Variants in TMEM132C observed in about 807,000 individuals in gnomAD.
The protein encoded by TMEM132C is protein phosphatase 1, regulatory subunit 152.
Under a neutral mutation model 61.4 loss-of-function variants are expected in TMEM132C, and 29 were observed. The observed-to-expected ratio is 0.47, with a 90% CI of 0.35 to 0.64. The LOEUF is 0.64. TMEM132C is among the 30% of genes least tolerant of loss of function. The probability of loss-of-function intolerance (pLI) is 0.00; values close to 1 mark genes in which losing one functional copy is unlikely to be tolerated. For synonymous variants in TMEM132C, 656 were observed against 633.1 expected (o/e 1.04, Z -0.54); for missense variants, 1,408 against 1,476.9 (o/e 0.95, Z 0.76).
chr12:128,423,183 G>T (rs1364594757), intron 2 of TMEM132C, among the ~76,000 whole-genome samples: 1 of 152,194 alleles, frequency 6.6e-6, no homozygotes, highest in African/African-American at 2.4e-5. Flanking sequence ...GTCTTTAATA[G>T]CCCTTGCTTT....
At chr12:128,531,239 A>G (rs10161216) in intron 2 of TMEM132C, among the ~76,000 whole-genome samples, 38,935 of 152,090 alleles carry the variant, frequency 0.26, 5,974 homozygotes, top group East Asian at 0.41. Context: ...TCTGAGATCC[A>G]GCATTTGATG....
At chr12:128,271,075 GAAACC>G (rs1870496795) in intron 1 of TMEM132C, among the ~76,000 whole-genome samples, 1 of 151,928 alleles carries the variant, frequency 6.6e-6, no homozygotes, top group Non-Finnish European at 1.5e-5. Flanking sequence ...CCAACATGGT[GAAACC>G]CCATCTCTAC....
At chr12:128,599,780 A>G (rs1876104192) in intron 3 of TMEM132C, among the ~76,000 whole-genome samples, 1 of 152,166 alleles carries the variant, frequency 6.6e-6, no homozygotes, top group Non-Finnish European at 1.5e-5. Flanking sequence ...ATTATTCCAG[A>G]ATGAGTATAA....
At chr12:128,387,694 C>T (rs1271172926) in intron 1 of TMEM132C, among the ~76,000 whole-genome samples, 1 of 152,044 alleles carries the variant, frequency 6.6e-6, no homozygotes, top group African/African-American at 2.4e-5. Flanking sequence ...CCTGTAATCT[C>T]AGCTACTGTG....
At position 128,693,971 on chromosome 12, in the gene TMEM132C, A is replaced by C; in HGVS notation, c.1592A>C (p.Glu531Ala). 1 of 1,551,748 alleles carries C rather than the reference A, an allele frequency of 6.4e-7. No homozygotes were observed. Among genetic ancestry groups the C allele is most frequent in the East Asian group, 2.4e-5 (1 of 40,920 alleles). Reference sequence around the variant, plus strand: ...GTGCCCCGGCTGCCCCTGCAGATCGAGGTCTCTGACACGGAGCTCAGCCAG... The same window carrying C: ...GTGCCCCGGCTGCCCCTGCAGATCGCGGTCTCTGACACGGAGCTCAGCCAG... ...VWVPRLPLQI[E>A]VSDTELSQIK... Residue 531 changes from glutamate to alanine, a missense_variant, in exon 6 of 9, where the codon GAG becomes GCG. Transcript: ENST00000435159.
intron 1 of TMEM132C, among the ~76,000 whole-genome samples, chr12:128,407,563 G>A (rs1875388519): frequency 6.6e-6 from 1 of 152,154 alleles, no homozygotes; most frequent in Non-Finnish European, 1.5e-5. Context: ...GGCTGGGCAT[G>A]GGCTGCCTGA....
chr12:128,493,063 C>T (rs997621665), intron 2 of TMEM132C, among the ~76,000 whole-genome samples: 12 of 152,184 alleles, frequency 7.9e-5, no homozygotes, highest in Non-Finnish European at 1.8e-4. Context: ...CAGCTTTCTA[C>T]ATATGGCTAG....
chr12:128,543,712 T>C (rs1219427484), intron 2 of TMEM132C, among the ~76,000 whole-genome samples: 1 of 152,004 alleles, frequency 6.6e-6, no homozygotes, highest in Non-Finnish European at 1.5e-5. Flanking sequence ...TCTGGTGAAT[T>C]CCAGGGGTCC....
In TMEM132C at chr12:128,415,552, G is replaced by A; in HGVS notation, c.906G>A (p.Lys302=). The change falls in exon 2 of 9, where the codon AAG becomes AAA. Residue 302 remains lysine, a synonymous_variant. Coordinates refer to ENST00000435159, the MANE Select transcript of TMEM132C (RefSeq NM_001136103.3). The surrounding 1 kb of genome is among the most constrained non-coding windows in gnomAD (Gnocchi z 5.8). ...VVIWLPSRPV[K]QGEVVTAYVT... is the part of the protein sequence containing the mutation. ...TCTGGCTGCCTTCCAGGCCAGTCAA[G>A]CAGGGAGAGGTGGTCACGGCCTATG... 1.9e-6 allele frequency: 3 copies of A among 1,551,254 alleles called. No individual in the cohort carries two copies. The highest frequency in any genetic ancestry group is 2.6e-6 in the Non-Finnish European group (3 of 1,146,946).
chr12:128,322,437 ATTTTTGGAATGG>A (rs1366867077), intron 1 of TMEM132C, among the ~76,000 whole-genome samples: 1 of 152,242 alleles, frequency 6.6e-6, no homozygotes, highest in African/African-American at 2.4e-5. Context: ...TAAGACAGAA[ATTTTTGGAATGG>A]TTTTGACACA....
intron 2 of TMEM132C, among the ~76,000 whole-genome samples, chr12:128,422,692 T>C (rs904192780): frequency 6.6e-6 from 1 of 152,176 alleles, no homozygotes; most frequent in African/African-American, 2.4e-5. Context: ...TCAATCTCAA[T>C]ATCATCAGCG....
intron 1 of TMEM132C, among the ~76,000 whole-genome samples, chr12:128,393,287 C>A (rs1381203253): frequency 1.3e-5 from 2 of 152,186 alleles, no homozygotes; most frequent in Non-Finnish European, 2.9e-5. Flanking sequence ...ATTGGAAAGT[C>A]TCTCCCCACT....
intron 4 of TMEM132C, among the ~76,000 whole-genome samples, chr12:128,620,379 G>A (rs1379635929): frequency 6.6e-6 from 1 of 152,114 alleles, no homozygotes; most frequent in East Asian, 1.9e-4. Flanking sequence ...TACTCTAGTG[G>A]AGCGACAGAC....
chr12:128,535,914 G>A (rs1873509249), intron 2 of TMEM132C, among the ~76,000 whole-genome samples: 1 of 151,962 alleles, frequency 6.6e-6, no homozygotes, highest in South Asian at 2.1e-4. Flanking sequence ...AGGATGTGGA[G>A]AAATAGGAAC....
rs11059731 is a variant in TMEM132C, at chr12:128,510,591, C to T, written c.975-33366C>T. Reference sequence around the variant, plus strand: ...AAGACTCTCCTCACATTTTCTGCATCGCTGGAGCTGGTTGGCAGCAAAAGC... The same window carrying T: ...AAGACTCTCCTCACATTTTCTGCATTGCTGGAGCTGGTTGGCAGCAAAAGC... On this transcript the variant is annotated intron_variant, in intron 2 of 8. Coordinates refer to ENST00000435159, the MANE Select transcript of TMEM132C (RefSeq NM_001136103.3). Among the ~76,000 whole-genome samples the T allele has an allele frequency of 9.8e-5, 15 of 152,320 alleles. No homozygotes were observed. In the East Asian group the frequency reaches 1.9e-3, roughly 20 times the overall value.
At chr12:128,274,614 G>A (rs1303785783) in intron 1 of TMEM132C, among the ~76,000 whole-genome samples, 1 of 152,222 alleles carries the variant, frequency 6.6e-6, no homozygotes, top group Non-Finnish European at 1.5e-5. Context: ...CAGGTGCTGG[G>A]TTCCTGTAGC....
chr12:128,380,908 A>G (rs1874378971), intron 1 of TMEM132C, among the ~76,000 whole-genome samples: 1 of 152,196 alleles, frequency 6.6e-6, no homozygotes, highest in Admixed American at 6.5e-5. Context: ...CATTGAACTC[A>G]TGGCCAACTG....
intron 3 of TMEM132C, among the ~76,000 whole-genome samples, chr12:128,602,605 C>T (rs1876236203): frequency 6.6e-6 from 1 of 152,226 alleles, no homozygotes; most frequent in African/African-American, 2.4e-5. Flanking sequence ...ATGTTTCTAC[C>T]TGGTCTCCAA....
rs866376401 is a variant in TMEM132C at position 128,500,591 on chromosome 12, G to A, written c.975-43366G>A. 2.6e-5 allele frequency among the ~76,000 whole-genome samples: 4 copies of A among 152,102 alleles called. No homozygotes were observed. In the South Asian group the frequency reaches 8.3e-4, roughly 32 times the overall value. On this transcript the variant is annotated intron_variant, in intron 2 of 8. Coordinates refer to ENST00000435159, the MANE Select transcript of TMEM132C (RefSeq NM_001136103.3). The stretch of plus-strand genomic sequence containing the variant: ...CAAATGTCCAATATGTATACAAAAT[G>A]GTGCCCAACATCATTAGTCATTAGG...
Sources: gnomAD v4.1 joint callset for allele counts (sites outside exome capture counted in the v4.1 genomes callset) on GRCh38, gnomAD v4.1.1 for gene constraint, Gnocchi (gnomAD v3.1) non-coding constraint, MANE v1.5 for transcripts, NCBI Gene and HGNC (gene_info 2026-07-23, HGNC 2026-07-21) for gene names.